Variants in KIF6 observed in about 807,000 individuals in gnomAD.
KIF6 encodes kinesin family member 6, also known as kinesin-like protein KIF6.
KIF6 carries 106 observed loss-of-function variants against 112.7 expected under a neutral mutation model. The observed-to-expected ratio is 0.94, with a 90% CI of 0.80 to 1.11. The LOEUF (loss-of-function observed/expected upper bound fraction) is 1.11, where lower values mean the gene tolerates loss of function less well. Ranked by LOEUF, KIF6 falls within the 50% of genes least tolerant of loss-of-function variation. KIF6 has a pLI of 0.00. For missense variants in KIF6, 929 were observed against 964.0 expected, an observed-to-expected ratio of 0.96 and a Z score of 0.48; for synonymous variants, 339 against 339.9, an observed-to-expected ratio of 1.00 and a Z score of 0.03.
chr6:39,349,670 G>T lies in KIF6; in HGVS notation c.2181-3144C>A, dbSNP rs544539577. Among the ~76,000 whole-genome samples, 3 of 104,102 alleles carry T rather than the reference G, an allele frequency of 2.9e-5. 1 individual carries two copies. Among genetic ancestry groups the T allele is most frequent in the South Asian group, 7.1e-4 (2 of 2,818 alleles). 68.3% of individuals were successfully genotyped at this position (104,102 alleles called of 152,430 possible). A position where few individuals can be genotyped will look rare whatever the true frequency, so the allele number is the denominator to read the frequency against. On this transcript the variant is annotated intron_variant, in intron 19 of 22. Transcript: ENST00000287152. The stretch of plus-strand genomic sequence containing the variant: ...TTTTTTTTTTTTTTTTTGAGACAGG[G>T]TCTTGCTCTGTCTCCAGGCTAGAGT...
At chr6:39,673,671 G>T (rs1786969607) in intron 3 of KIF6, among the ~76,000 whole-genome samples, 1 of 152,136 alleles carries the variant, frequency 6.6e-6, no homozygotes, top group African/African-American at 2.4e-5. Flanking sequence ...ATAAGGGCAT[G>T]GACTGTGACA....
chr6:39,652,437 A>C (rs972483709), intron 3 of KIF6, among the ~76,000 whole-genome samples: 2 of 151,880 alleles, frequency 1.3e-5, no homozygotes, highest in African/African-American at 4.8e-5. Context: ...TGAGGCAGGA[A>C]AATCGCTTGA....
intron 17 of KIF6, 92 bp downstream of exon 17, chr6:39,362,342 C>A: frequency 1.1e-6 from 1 of 945,292 alleles, no homozygotes; most frequent in South Asian, 1.3e-5. Context: ...GGACCCACAT[C>A]CCTGAGTAGC....
chr6:39,703,087 C>CACA (rs1554151207), intron 3 of KIF6, among the ~76,000 whole-genome samples: 3 of 76,540 alleles, frequency 3.9e-5, no homozygotes, highest in South Asian at 5.5e-4. Context: ...CCCCCACCCC[C>CACA]ACTCCCGGCC....
chr6:39,671,322 G>A (rs1435688729), intron 3 of KIF6, among the ~76,000 whole-genome samples: 3 of 152,212 alleles, frequency 2.0e-5, no homozygotes, highest in Admixed American at 2.0e-4. Context: ...CCTGGAGGCA[G>A]ACATTGGATT....
At chr6:39,680,308 G>A (rs557794162) in intron 3 of KIF6, among the ~76,000 whole-genome samples, 3 of 152,322 alleles carry the variant, frequency 2.0e-5, no homozygotes, top group African/African-American at 7.2e-5. Context: ...ATGCCCGGGT[G>A]TATAATTAGT....
intron 13 of KIF6, among the ~76,000 whole-genome samples, chr6:39,517,608 A>T (rs150526314): frequency 6.6e-6 from 1 of 152,314 alleles, no homozygotes; most frequent in East Asian, 1.9e-4. Context: ...GGGGATAATG[A>T]GGTCCTGTGG....
intron 9 of KIF6, chr6:39,583,617 G>T (rs950392705): frequency 1.3e-4 from 35 of 269,732 alleles, no homozygotes; most frequent in Admixed American, 3.5e-4. Flanking sequence ...TTAATTTGTT[G>T]GTTTTTTTTT....
At chr6:39,639,556 AT>A in intron 4 of KIF6, 53 bp downstream of exon 4, 1 of 1,370,604 alleles carries the variant, frequency 7.3e-7, no homozygotes, top group Non-Finnish European at 9.8e-7. Flanking sequence ...TGCTTTCAGT[AT>A]ATTTTTGCTG....
rs1767353264 is a variant in KIF6, at chr6:39,385,700, A to T, written c.1811-28T>A. The T allele has an allele frequency of 3.2e-6, 5 of 1,557,664 alleles. No homozygotes were observed. The South Asian group carries it at 5.6e-5, about 17-fold the overall frequency. On this transcript the variant is annotated intron_variant, in intron 15 of 22. Transcript: ENST00000287152. ...GCCAAAGACACAAAAGAAAACTACC[A>T]GTGGGTTTCCAATGGGCTGGAGGAA...
chr6:39,419,454 C>G (rs1467672909), intron 15 of KIF6, among the ~76,000 whole-genome samples: 1 of 151,872 alleles, frequency 6.6e-6, no homozygotes, highest in Admixed American at 6.6e-5. Context: ...AAGTGGGGAG[C>G]CCTCCGTGGC....
At chr6:39,352,005 G>A (rs1455506079) in intron 19 of KIF6, among the ~76,000 whole-genome samples, 1 of 152,212 alleles carries the variant, frequency 6.6e-6, no homozygotes, top group African/African-American at 2.4e-5. Context: ...AGGTGCCCAG[G>A]TGAATGCATG....
chr6:39,563,286 A>T (rs903058285), intron 10 of KIF6, among the ~76,000 whole-genome samples: 1 of 152,160 alleles, frequency 6.6e-6, no homozygotes, highest in Admixed American at 6.5e-5. Flanking sequence ...CCATCCTGGA[A>T]CCCAGAGATA....
intron 16 of KIF6, among the ~76,000 whole-genome samples, chr6:39,374,477 T>G (rs1241675551): frequency 3.3e-5 from 5 of 152,074 alleles, no homozygotes; most frequent in African/African-American, 1.2e-4. Context: ...ACCATACATC[T>G]GATAAAGGGT....
chr6:39,541,609 C>G (rs890588309), intron 12 of KIF6, among the ~76,000 whole-genome samples: 1 of 152,208 alleles, frequency 6.6e-6, no homozygotes, highest in Non-Finnish European at 1.5e-5. Flanking sequence ...AGAGTAGTTT[C>G]TTGCTCTCAC....
chr6:39,450,188 A>G (rs902502597), intron 13 of KIF6, among the ~76,000 whole-genome samples: 88 of 152,320 alleles, frequency 5.8e-4, no homozygotes, highest in African/African-American at 1.8e-3. Context: ...GGAGACATCT[A>G]TCATCATTTC....
At chr6:39,581,143 T>G (rs772557900) in intron 9 of KIF6, among the ~76,000 whole-genome samples, 17 of 149,108 alleles carry the variant, frequency 1.1e-4, no homozygotes, top group Non-Finnish European at 2.1e-4. Flanking sequence ...CCTTTCTTCC[T>G]CTTAGTAGCT....
At chr6:39,392,171 C>T (rs1251110391) in intron 15 of KIF6, among the ~76,000 whole-genome samples, 1 of 151,828 alleles carries the variant, frequency 6.6e-6, no homozygotes, top group South Asian at 2.1e-4. Context: ...CTGTTTCTTA[C>T]TTATTTATTA....
chr6:39,477,025 G>A (rs1235981546), intron 13 of KIF6, among the ~76,000 whole-genome samples: 1 of 152,166 alleles, frequency 6.6e-6, no homozygotes, highest in Non-Finnish European at 1.5e-5. Flanking sequence ...AGGCATTTGG[G>A]AAGGCTCTGG....
Sources: allele counts gnomAD v4.1 joint callset (sites outside exome capture counted in the v4.1 genomes callset), GRCh38; gene constraint gnomAD v4.1.1; transcripts MANE v1.5; gene names NCBI Gene and HGNC (gene_info 2026-07-23, HGNC 2026-07-21).